Variants in DNAAF9 observed in about 807,000 individuals in gnomAD.
The protein encoded by DNAAF9 is dynein axonemal assembly factor 9.
Under a neutral mutation model 167.0 loss-of-function variants are expected in DNAAF9, and 90 were observed. The observed-to-expected ratio is 0.54, with a 90% CI of 0.45 to 0.64. The LOEUF is 0.64. DNAAF9 is among the 30% of genes least tolerant of loss of function. The pLI, the probability that DNAAF9 is intolerant of heterozygous loss-of-function variation, is 0.00. For missense variants in DNAAF9, 1,315 were observed against 1,442.2 expected, an observed-to-expected ratio of 0.91 and a Z score of 1.43; for synonymous variants, 491 against 508.8, an observed-to-expected ratio of 0.96 and a Z score of 0.47.
At chr20:3,387,784 G>A (rs1039399582) in intron 1 of DNAAF9, among the ~76,000 whole-genome samples, 2 of 148,942 alleles carry the variant, frequency 1.3e-5, no homozygotes, top group East Asian at 2.0e-4. Context: ...GTTCATGCCT[G>A]TAATCTCAGC....
chr20:3,345,901 C>T (rs540919259), intron 8 of DNAAF9, among the ~76,000 whole-genome samples: 1 of 152,068 alleles, frequency 6.6e-6, no homozygotes, highest in African/African-American at 2.4e-5. Context: ...CGCCACTGCA[C>T]TCCAGCCTGG....
intron 7 of DNAAF9, among the ~76,000 whole-genome samples, chr20:3,350,514 T>C (rs1055770286): frequency 1.3e-5 from 2 of 152,166 alleles, no homozygotes; most frequent in Non-Finnish European, 2.9e-5. Flanking sequence ...AAATATTTCC[T>C]AGCTCTATCT....
rs192818776 is a variant in DNAAF9 at position 3,320,768 on chromosome 20, A to C, written c.1356+1449T>G. Among the ~76,000 whole-genome samples, 1,399 of 152,292 alleles carry C rather than the reference A, an allele frequency of 9.2e-3. 11 individuals are homozygous for C. Among genetic ancestry groups the C allele is most frequent in the Non-Finnish European group, 0.015 (1,032 of 68,014 alleles). The stretch of plus-strand genomic sequence containing the variant: ...TTAACACTACTGACAGGAACTTTTG[A>C]GTTACTTTTCCACAGGTGATGGTGA... On this transcript the variant is annotated intron_variant, in intron 16 of 36. Coordinates refer to ENST00000252032, the MANE Select transcript of DNAAF9 (RefSeq NM_001009984.3).
chr20:3,383,644 C>T (rs1040062144), intron 1 of DNAAF9, among the ~76,000 whole-genome samples: 7 of 151,644 alleles, frequency 4.6e-5, no homozygotes, highest in Non-Finnish European at 7.4e-5. Flanking sequence ...TACAAACCAA[C>T]TACACTAATT....
At chr20:3,316,888 T>TTG in intron 17 of DNAAF9, 95 bp from the exon 18 acceptor site, 2 of 528,326 alleles carry the variant, frequency 3.8e-6, no homozygotes, top group East Asian at 3.3e-5. Context: ...GGAGCTAGGG[T>TTG]TCTTTTTTTT....
At chr20:3,262,521 T>A (rs1241626905) in intron 31 of DNAAF9, among the ~76,000 whole-genome samples, 1 of 152,140 alleles carries the variant, frequency 6.6e-6, no homozygotes, top group Non-Finnish European at 1.5e-5. Flanking sequence ...AGTGCTGGGA[T>A]TACAGGTGTG....
chr20:3,342,484 G>C (rs1044073810), intron 9 of DNAAF9, among the ~76,000 whole-genome samples: 28 of 152,082 alleles, frequency 1.8e-4, no homozygotes, highest in African/African-American at 6.0e-4. Context: ...AATCTCTCTT[G>C]ATTGGTATGT....
At chr20:3,275,236 G>GGGT (rs1163178724) in intron 29 of DNAAF9, among the ~76,000 whole-genome samples, 1 of 152,236 alleles carries the variant, frequency 6.6e-6, no homozygotes, top group Non-Finnish European at 1.5e-5. Flanking sequence ...CAGATTCCCA[G>GGGT]GGTGGAAGGC....
At chr20:3,279,730 T>C (rs2068734540) in intron 28 of DNAAF9, among the ~76,000 whole-genome samples, 1 of 152,200 alleles carries the variant, frequency 6.6e-6, no homozygotes, top group Admixed American at 6.5e-5. Context: ...ATGAAAGGCA[T>C]GGGTTTAGGA....
At chr20:3,357,415 T>C (rs2083300928) in intron 7 of DNAAF9, among the ~76,000 whole-genome samples, 1 of 152,068 alleles carries the variant, frequency 6.6e-6, no homozygotes, top group African/African-American at 2.4e-5. Context: ...GAAGTTGCAG[T>C]GAGCCAAGAT....
intron 27 of DNAAF9, among the ~76,000 whole-genome samples, chr20:3,287,334 T>G (rs2068869214): frequency 6.6e-6 from 1 of 152,230 alleles, no homozygotes; most frequent in Non-Finnish European, 1.5e-5. Context: ...GAATGAAGAC[T>G]TAGGGACCAC....
At chr20:3,340,910 A>C (rs551371265) in intron 9 of DNAAF9, among the ~76,000 whole-genome samples, 1 of 152,276 alleles carries the variant, frequency 6.6e-6, no homozygotes, top group South Asian at 2.1e-4. Context: ...TTGAGGAATA[A>C]GTTCCATAAG....
rs552252849 is a variant in DNAAF9, at chr20:3,256,112, C to T, written c.3155G>A (p.Ser1052Asn). 3.7e-6 allele frequency: 6 copies of T among 1,614,166 alleles called. No homozygotes were observed. Among genetic ancestry groups the T allele is most frequent in the African/African-American group, 1.3e-5 (1 of 75,040 alleles). The change falls in exon 34 of 37, where the codon AGC (serine) becomes AAC (asparagine). Residue 1052 changes from serine to asparagine, a missense_variant. Ser to Asn is a conservative substitution (Grantham distance 46). Transcript: ENST00000252032. ...EGPTPPPDSK[S>N]VSQDSSGQQE... ...CTGCCCGCTGCTGTCTTGAGATACG[C>T]TTTTGGAGTCTGGTGGTGGTGTGGG...
chr20:3,277,150 T>C (rs141772061), intron 29 of DNAAF9, among the ~76,000 whole-genome samples: 2 of 152,340 alleles, frequency 1.3e-5, no homozygotes, highest in East Asian at 3.9e-4. Context: ...AGTATCTCAC[T>C]TGACCACTGG....
At chr20:3,339,346 T>C (rs1254555601) in intron 10 of DNAAF9, among the ~76,000 whole-genome samples, 1 of 152,242 alleles carries the variant, frequency 6.6e-6, no homozygotes, top group Non-Finnish European at 1.5e-5. Flanking sequence ...GCATGCTTTG[T>C]AATTTTTTGT....
chr20:3,353,018 G>A (rs1240699303), intron 7 of DNAAF9, among the ~76,000 whole-genome samples: 1 of 148,822 alleles, frequency 6.7e-6, no homozygotes, highest in African/African-American at 2.5e-5. Context: ...GAGGCACCAA[G>A]CAATAAAGTG....
At chr20:3,383,091 T>A (rs985077423) in intron 1 of DNAAF9, among the ~76,000 whole-genome samples, 4 of 152,080 alleles carry the variant, frequency 2.6e-5, no homozygotes, top group Non-Finnish European at 5.9e-5. Flanking sequence ...TCAAGCAAAA[T>A]GTGAGGCACT....
chr20:3,298,881 C>A (rs2069130655), intron 21 of DNAAF9, among the ~76,000 whole-genome samples: 1 of 145,302 alleles, frequency 6.9e-6, no homozygotes, highest in Non-Finnish European at 1.5e-5. Context: ...CCTGTATTTT[C>A]TTCAAAGAGT....
intron 20 of DNAAF9, among the ~76,000 whole-genome samples, chr20:3,308,829 AT>A (rs1156981302): frequency 6.6e-6 from 1 of 151,704 alleles, no homozygotes; most frequent in African/African-American, 2.4e-5. Context: ...AAAAAAAAAA[AT>A]TAGCCAGGTG....
Sources: gnomAD v4.1 joint callset for allele counts (sites outside exome capture counted in the v4.1 genomes callset) on GRCh38, gnomAD v4.1.1 for gene constraint, MANE v1.5 for transcripts, NCBI Gene and HGNC (gene_info 2026-07-23, HGNC 2026-07-21) for gene names.